Variants in ARHGAP9 observed in about 807,000 individuals in gnomAD.
ARHGAP9 encodes Rho GTPase activating protein 9.
Under a neutral mutation model 87.3 loss-of-function variants are expected in ARHGAP9, and 76 were observed. The observed-to-expected ratio is 0.87, with a 90% CI of 0.72 to 1.05. The LOEUF (loss-of-function observed/expected upper bound fraction) is 1.05, where lower values mean the gene tolerates loss of function less well. ARHGAP9 is among the 50% of genes least tolerant of loss of function. ARHGAP9 has a pLI of 0.00. For synonymous variants in ARHGAP9, 382 were observed against 394.9 expected (o/e 0.97, Z 0.39); for missense variants, 941 against 960.5 (o/e 0.98, Z 0.27).
chr12:57,475,709 G>GC (rs1873365047), intron 10 of ARHGAP9, 94 bp from the exon 11 acceptor site: 24 of 1,549,152 alleles, frequency 1.5e-5, no homozygotes, highest in Non-Finnish European at 1.9e-5. Flanking sequence ...CCACATCCCG[G>GC]CCCAGGCAAG....
chr12:57,482,783 A>G (rs573289664), upstream of ARHGAP9, among the ~76,000 whole-genome samples: 61 of 152,208 alleles, frequency 4.0e-4, no homozygotes, highest in African/African-American at 1.3e-3. Flanking sequence ...ACTATGTGCT[A>G]GGCATTGTCA....
In ARHGAP9 at chr12:57,475,378, C is replaced by T; in HGVS notation, c.1465G>A (p.Glu489Lys). Residue 489 changes from glutamate to lysine, a missense_variant, in exon 12 of 18, where the codon GAG (glutamate) becomes AAG (lysine). Glu to Lys is a moderately conservative substitution (Grantham distance 56). Transcript: ENST00000393791. ...RSSIRGPEGT[E>K]QNRVRNKLKR... ...AGTTTGTTGCGCACGCGGTTCTGCT[C>T]GGTGCCTTCGGGCCCCCGAACTGCA... is the stretch of plus-strand genomic sequence containing the variant. 1 of 1,596,982 alleles carries T rather than the reference C, an allele frequency of 6.3e-7. No individual in the cohort carries two copies. Among genetic ancestry groups the T allele is most frequent in the South Asian group, 1.1e-5 (1 of 88,622 alleles).
chr12:57,487,685 C>G (rs1262946049), intron 1 of ARHGAP9: 2 of 182,832 alleles, frequency 1.1e-5, no homozygotes, highest in South Asian at 9.0e-5. Flanking sequence ...CCCGCCTCTA[C>G]TAAAAATACA....
intron 1 of ARHGAP9, 51 bp from the exon 2 acceptor site, chr12:57,479,475 C>A: frequency 1.3e-6 from 2 of 1,557,674 alleles, no homozygotes; most frequent in South Asian, 1.2e-5. Context: ...GCCTGGCTGT[C>A]TCCAGGTAGA....
chr12:57,474,346 G>A, intron 15 of ARHGAP9, 77 bp downstream of exon 15: 1 of 1,587,766 alleles, frequency 6.3e-7, no homozygotes, highest in Non-Finnish European at 8.6e-7. Flanking sequence ...CCCAGGAATA[G>A]TACATGGGGG....
Position 57,475,933 on chromosome 12 carries a change from T to G in ARHGAP9, c.1213-2A>C, listed in dbSNP as rs751232768. The G allele has an allele frequency of 1.2e-6, 2 of 1,611,546 alleles. No individual in the cohort carries two copies. Among genetic ancestry groups the G allele is most frequent in the Admixed American group, 3.4e-5 (2 of 59,664 alleles). On this transcript the variant is annotated splice_acceptor_variant, in intron 9 of 17. Coordinates refer to ENST00000393791, the MANE Select transcript of ARHGAP9 (RefSeq NM_032496.4). LOFTEE classifies it high-confidence loss of function. Reference sequence around the variant, plus strand: ...CTCGTGGCCAGGGATCGTGCGGATCTGAGGGCCAGGCAAGGAAACGCTCGG... The same window carrying G: ...CTCGTGGCCAGGGATCGTGCGGATCGGAGGGCCAGGCAAGGAAACGCTCGG...
chr12:57,479,106 A>G lies in ARHGAP9; in HGVS notation c.301T>C (p.Leu101=). 1.2e-6 allele frequency: 2 copies of G among 1,614,148 alleles called. No individual in the cohort carries two copies. The highest frequency in any genetic ancestry group is 1.7e-6 in the Non-Finnish European group (2 of 1,180,012). The part of the protein sequence containing the change: ...QSPTTVIPGQ[L]LWTPGPKLFH... ...GCTTACTCACCAGGAGTCCAGAGCA[A>G]TTGGCCGGGGATGACGGTAGTTGGA... is the stretch of plus-strand genomic sequence containing the variant. The change falls in exon 2 of 18, where the codon TTG becomes CTG. Residue 101 remains leucine (L), a synonymous_variant. Transcript: ENST00000393791.
chr12:57,487,372 C>T (rs998367416), intron 1 of ARHGAP9: 2 of 152,186 alleles, frequency 1.3e-5, no homozygotes, highest in African/African-American at 4.8e-5. Flanking sequence ...AACTCTAAAA[C>T]TCTGACCGTT....
chr12:57,484,801 T>C (rs372859489), upstream of ARHGAP9, among the ~76,000 whole-genome samples: 272 of 140,646 alleles, frequency 1.9e-3, 2 homozygotes, highest in African/African-American at 7.0e-3. Flanking sequence ...TGCGCCACCA[T>C]GCCCAGCTAA....
In ARHGAP9 at chr12:57,476,371, G is replaced by A; in HGVS notation, c.1109C>T (p.Ser370Leu). The change falls in exon 8 of 18, where the codon TCA becomes TTA. Residue 370 changes from serine (S) to leucine (L), a missense_variant. Physicochemically the swap from Ser to Leu is moderately radical, Grantham distance 145. Transcript: ENST00000393791. ...CCTCTCGCTCACACTCACCCAGCCT[G>A]AGGAGGGCGCTGTCGGCGGTGGCTC... is the stretch of plus-strand genomic sequence containing the variant. ...YREPPPTAPS[S>L]GWGPAGSRPE... The A allele has an allele frequency of 2.5e-6, 4 of 1,613,870 alleles. No individual in the cohort carries two copies. Among genetic ancestry groups the A allele is most frequent in the Non-Finnish European group, 3.4e-6 (4 of 1,179,952 alleles).
In ARHGAP9 at chr12:57,477,456, C is replaced by T; in HGVS notation, c.756+3G>A. 1 of 1,613,874 alleles carries T rather than the reference C, an allele frequency of 6.2e-7. No individual in the cohort carries two copies. Among genetic ancestry groups the T allele is most frequent in the Non-Finnish European group, 8.5e-7 (1 of 1,179,912 alleles). ...AGTGGAGAAGCAGGAGGTAAGGTCT[C>T]ACCGTCTCGCTGCGACTGCGGCGCG... On this transcript the variant is annotated splice_donor_region_variant and intron_variant, in intron 4 of 17. Transcript: ENST00000393791.
At position 57,486,919 on chromosome 12, in the gene ARHGAP9, C is replaced by T. The variant is rs1306303984; in HGVS notation, c.-204+1693G>A. 2.6e-5 allele frequency among the ~76,000 whole-genome samples: 4 copies of T among 151,604 alleles called. No individual in the cohort carries two copies. In the South Asian group the frequency reaches 6.3e-4, roughly 24 times the overall value. The stretch of plus-strand genomic sequence containing the variant: ...AAAAAAAAAAGAGATGCTCTTCTAC[C>T]CCTTTGATGAGACGTCGAGCTGTAT... On this transcript the variant is annotated intron_variant, in intron 1 of 20. Transcript: ENST00000393797.
At chr12:57,480,477 C>T (rs545813087), upstream of ARHGAP9, among the ~76,000 whole-genome samples, 42 of 152,250 alleles carry the variant, frequency 2.8e-4, no homozygotes, top group African/African-American at 8.7e-4. Context: ...CCACTGCGCC[C>T]GGCCTCATTT....
rs777428479 is a variant in ARHGAP9 at position 57,476,820 on chromosome 12, G to A, written c.963+51C>T. 10 of 1,530,800 alleles carry A rather than the reference G, an allele frequency of 6.5e-6. No homozygotes were observed. In the South Asian group the frequency reaches 8.9e-5, roughly 14 times the overall value. 94.8% of individuals were successfully genotyped at this position (1,530,800 alleles called of 1,614,324 possible). ...TGTTTATGTGGAGCAGGAAAAGGGG[G>A]GAGGGGGGGCAGGGAGGATCTTGGC... On this transcript the variant is annotated intron_variant, in intron 6 of 17. Transcript: ENST00000393791.
intron 1 of ARHGAP9, 134 bp downstream of exon 1, chr12:57,479,596 C>T (rs1874785059): frequency 8.5e-6 from 13 of 1,530,066 alleles, no homozygotes; most frequent in Middle Eastern, 2.2e-4. Flanking sequence ...GTTTTGGGGG[C>T]TGAGAACTCC....
chr12:57,477,747 C>T (rs780105206), intron 3 of ARHGAP9, 67 bp from the exon 4 acceptor site: 1 of 1,576,448 alleles, frequency 6.3e-7, no homozygotes, highest in Non-Finnish European at 8.6e-7. Context: ...TTCTCTTGGC[C>T]TTCCCACCTC....
Position 57,474,440 on chromosome 12 carries a change from G to A in ARHGAP9, c.1766C>T (p.Pro589Leu). ...AVTSDGRYVF[P>L]EQPGQEGRLD... ...GTAAGTACCTTGTCCTGGCTGTTCT[G>A]GGAACACATACCTCCCATCGGAGGT... The change falls in exon 15 of 18, where the codon CCA (proline) becomes CTA (leucine). Residue 589 changes from proline to leucine, a missense_variant. Physicochemically the swap from Pro to Leu is moderately conservative, Grantham distance 98. Coordinates refer to ENST00000393791, the MANE Select transcript of ARHGAP9 (RefSeq NM_032496.4). The A allele has an allele frequency of 1.2e-6, 2 of 1,614,172 alleles. No homozygotes were observed.
Position 57,475,528 on chromosome 12 carries a change from G to T in ARHGAP9, c.1399C>A (p.Leu467Met), listed in dbSNP as rs773533064. 12 of 1,605,068 alleles carry T rather than the reference G, an allele frequency of 7.5e-6. No individual in the cohort carries two copies. The highest frequency in any genetic ancestry group is 3.3e-4 in the Middle Eastern group (2 of 6,034). Residue 467 changes from leucine (L) to methionine (M), a missense_variant, in exon 11 of 18, where the codon CTG (leucine) becomes ATG (methionine). Leu to Met is a conservative substitution (Grantham distance 15). Transcript: ENST00000393791. Reference protein sequence around the residue: ...AGEDEEEESELVSKPLLRLSS... With the variant: ...AGEDEEEESEMVSKPLLRLSS... ...AGGCGCAGCAGCGGCTTGGACACCAGCTCCGACTCCTCTTCTTCGTCCTCC... is the reference window on the plus strand; with the variant it reads ...AGGCGCAGCAGCGGCTTGGACACCATCTCCGACTCCTCTTCTTCGTCCTCC...
rs1193329770 is a variant in ARHGAP9 at position 57,474,091 on chromosome 12, G to A, written c.1869C>T (p.Pro623=). ...GCAGCAGTGGTGGCACCAGAGGCTG[G>A]GGCAGCTCCCGGAGAAAAAGCTTCA... ...GALKLFLREL[P]QPLVPPLLLP... is the part of the protein sequence containing the mutation. The change falls in exon 16 of 18, where the codon CCC becomes CCT. Residue 623 remains proline, a synonymous_variant. Transcript: ENST00000393791. 5.6e-6 allele frequency: 9 copies of A among 1,614,120 alleles called. No homozygotes were observed. The South Asian group carries it at 7.7e-5, about 14-fold the overall frequency.
Sources: gnomAD v4.1 joint callset for allele counts (sites outside exome capture counted in the v4.1 genomes callset) on GRCh38, gnomAD v4.1.1 for gene constraint, MANE v1.5 for transcripts, NCBI Gene and HGNC (gene_info 2026-07-23, HGNC 2026-07-21) for gene names.